Variants in PTPRD observed in about 807,000 individuals in gnomAD.
PTPRD encodes the protein receptor-type tyrosine-protein phosphatase delta.
Under a neutral mutation model 214.5 loss-of-function variants are expected in PTPRD, and 34 were observed. That is an observed-to-expected ratio of 0.16 (90% CI 0.12 to 0.21). The LOEUF (loss-of-function observed/expected upper bound fraction) is 0.21, where lower values mean the gene tolerates loss of function less well. Among genes scored for constraint, PTPRD ranks in the 10% least tolerant of loss-of-function variants. The pLI is 1.00. For synonymous variants in PTPRD, 1,128 were observed against 845.7 expected, an observed-to-expected ratio of 1.33 and a Z score of -5.79; for missense variants, 2,545 against 2,398.7, an observed-to-expected ratio of 1.06 and a Z score of -1.27.
chr9:9,738,879 AT>A (rs2098349810), intron 6 of PTPRD, among the ~76,000 whole-genome samples: 1 of 152,162 alleles, frequency 6.6e-6, no homozygotes, highest in Non-Finnish European at 1.5e-5. Flanking sequence ...TTTTATCCCA[AT>A]AATGTAGAAT....
chr9:9,834,587 C>A (rs541611677), intron 5 of PTPRD, among the ~76,000 whole-genome samples: 85 of 152,176 alleles, frequency 5.6e-4, no homozygotes, highest in Non-Finnish European at 1.1e-3. Flanking sequence ...TTTACTGGTC[C>A]ATCAGTTTCT....
intron 9 of PTPRD, among the ~76,000 whole-genome samples, chr9:9,213,608 AAGG>A (rs1231494725): frequency 6.6e-6 from 1 of 152,122 alleles, no homozygotes; most frequent in Non-Finnish European, 1.5e-5. Context: ...CAATTTTATA[AAGG>A]TATAAATTTT....
At position 10,438,626 on chromosome 9, in the gene PTPRD, CTATT is replaced by C. The variant is rs1231614873; in HGVS notation, c.-599-97613_-599-97610del. 7.2e-5 allele frequency among the ~76,000 whole-genome samples: 11 copies of C among 151,758 alleles called. No homozygotes were observed. In the South Asian group the frequency reaches 2.3e-3, roughly 31 times the overall value. ...TTTGTTTTTTAATGAGTTATTATCT[CTATT>C]TATATAATTCCTATTTCAGCAGTAT... On this transcript the variant is annotated intron_variant, in intron 2 of 45. Transcript: ENST00000381196.
At chr9:8,970,028 G>C (rs2154331089) in intron 11 of PTPRD, among the ~76,000 whole-genome samples, 1 of 152,026 alleles carries the variant, frequency 6.6e-6, no homozygotes, top group African/African-American at 2.4e-5. Context: ...GTGTTTGTGA[G>C]ATACAGGAAA....
intron 2 of PTPRD, among the ~76,000 whole-genome samples, chr9:10,371,900 C>T (rs2097631212): frequency 6.6e-6 from 1 of 152,062 alleles, no homozygotes; most frequent in Non-Finnish European, 1.5e-5. Flanking sequence ...CATTTTGATT[C>T]TCATTCCTGT....
intron 11 of PTPRD, among the ~76,000 whole-genome samples, chr9:8,950,481 A>T (rs2099095604): frequency 6.6e-6 from 1 of 152,040 alleles, no homozygotes; most frequent in South Asian, 2.1e-4. Flanking sequence ...TCTGAAAAAA[A>T]AAAAAAAGCA....
chr9:9,702,102 A>G (rs1466923597), intron 7 of PTPRD, among the ~76,000 whole-genome samples: 1 of 152,150 alleles, frequency 6.6e-6, no homozygotes, highest in Middle Eastern at 3.2e-3. Context: ...CCTGGGCAAC[A>G]GAGCAAGACT....
chr9:9,029,181 C>T (rs1323269259), intron 10 of PTPRD, among the ~76,000 whole-genome samples: 4 of 151,862 alleles, frequency 2.6e-5, no homozygotes, highest in African/African-American at 9.7e-5. Flanking sequence ...TTTATTGTTA[C>T]ATTTTATAAT....
At chr9:10,601,766 A>G (rs2078037161) in intron 2 of PTPRD, among the ~76,000 whole-genome samples, 1 of 151,812 alleles carries the variant, frequency 6.6e-6, no homozygotes, top group Non-Finnish European at 1.5e-5. Flanking sequence ...CTAGCTCATA[A>G]CAAACAGTTT....
intron 11 of PTPRD, among the ~76,000 whole-genome samples, chr9:8,914,158 C>A (rs893205547): frequency 4.6e-5 from 7 of 151,948 alleles, no homozygotes; most frequent in Non-Finnish European, 7.4e-5. Context: ...GATTTTAACA[C>A]CTTTCTCTTC....
chr9:10,310,022 T>C (rs1000729466), intron 3 of PTPRD, among the ~76,000 whole-genome samples: 26 of 152,100 alleles, frequency 1.7e-4, no homozygotes, highest in African/African-American at 6.0e-4. Context: ...GGAGATCCCC[T>C]GAGGTATCAT....
chr9:9,837,446 G>A (rs779275975), intron 5 of PTPRD, among the ~76,000 whole-genome samples: 54 of 152,224 alleles, frequency 3.5e-4, no homozygotes, highest in Admixed American at 5.9e-4. Context: ...CCTTTTGGAA[G>A]CCTTCCCCAT....
At chr9:9,017,499 A>G (rs1049527979) in intron 11 of PTPRD, among the ~76,000 whole-genome samples, 3 of 152,176 alleles carry the variant, frequency 2.0e-5, no homozygotes, top group Non-Finnish European at 4.4e-5. Context: ...ATTGTTTAAC[A>G]TATGCTTTCC....
intron 6 of PTPRD, among the ~76,000 whole-genome samples, chr9:9,761,395 G>C (rs1375429282): frequency 6.6e-6 from 1 of 152,138 alleles, no homozygotes; most frequent in East Asian, 1.9e-4. Context: ...GGTTGGGGTG[G>C]AAAAATGGAG....
chr9:8,870,687 A>AAC (rs3046878), intron 11 of PTPRD, among the ~76,000 whole-genome samples: 19,086 of 131,264 alleles, frequency 0.15, 1,363 homozygotes, highest in South Asian at 0.19. Context: ...ACAGACATGA[A>AAC]ACACACACAC....
At position 8,584,854 on chromosome 9, in the gene PTPRD, C is replaced by T. The variant is rs192757190; in HGVS notation, c.352+48463G>A. Among the ~76,000 whole-genome samples the T allele has an allele frequency of 4.8e-3, 729 of 152,244 alleles. 20 individuals are homozygous for T. Among genetic ancestry groups the T allele is most frequent in the Admixed American group, 0.044 (673 of 15,292 alleles). On this transcript the variant is annotated intron_variant, in intron 14 of 45. Transcript: ENST00000381196. ...AGGAAACTTACAATCACGTTGGAAG[C>T]GGAAGCAAACATGTCCTTCTTCGCA...
chr9:9,545,692 C>T (rs555507950), intron 8 of PTPRD, among the ~76,000 whole-genome samples: 13 of 151,942 alleles, frequency 8.6e-5, no homozygotes, highest in Admixed American at 1.3e-4. Flanking sequence ...TCATCAGTAT[C>T]ACACTGTCTT....
At chr9:9,907,001 T>C (rs1206485959) in intron 5 of PTPRD, among the ~76,000 whole-genome samples, 3 of 151,910 alleles carry the variant, frequency 2.0e-5, no homozygotes, top group Admixed American at 1.3e-4. Context: ...CAGCAGACTT[T>C]AGGAAAAATT....
intron 3 of PTPRD, among the ~76,000 whole-genome samples, chr9:10,319,049 T>G (rs956940306): frequency 6.6e-6 from 1 of 152,098 alleles, no homozygotes; most frequent in African/African-American, 2.4e-5. Flanking sequence ...TGGAATCATG[T>G]GACCAACTCT....
Sources: allele counts gnomAD v4.1 joint callset (sites outside exome capture counted in the v4.1 genomes callset), GRCh38; gene constraint gnomAD v4.1.1; transcripts MANE v1.5; gene names NCBI Gene and HGNC (gene_info 2026-07-23, HGNC 2026-07-21).